Variants in CPED1 observed in about 807,000 individuals in gnomAD.
CPED1 encodes the protein cadherin-like and PC-esterase domain-containing protein 1.
In CPED1, 114 loss-of-function variants were observed where a neutral mutation model predicts 128.2. That is an observed-to-expected ratio of 0.89 (90% CI 0.76 to 1.04). The LOEUF is 1.04. Among genes scored for constraint, CPED1 ranks in the 50% least tolerant of loss-of-function variants. The probability of loss-of-function intolerance (pLI) is 0.00; values close to 1 mark genes in which losing one functional copy is unlikely to be tolerated. For missense variants in CPED1, 1,211 were observed against 1,207.1 expected (o/e 1.00, Z -0.05); for synonymous variants, 462 against 426.7 (o/e 1.08, Z -1.02).
chr7:121,024,478 A>G (rs1455783213), intron 3 of CPED1, among the ~76,000 whole-genome samples: 1 of 152,160 alleles, frequency 6.6e-6, no homozygotes, highest in Non-Finnish European at 1.5e-5. Flanking sequence ...CTTCAAGCCT[A>G]GCTTCCTTCT....
intron 4 of CPED1, among the ~76,000 whole-genome samples, chr7:121,058,908 T>C (rs1239088308): frequency 6.6e-6 from 1 of 152,238 alleles, no homozygotes; most frequent in Non-Finnish European, 1.5e-5. Flanking sequence ...GAGAGGACAC[T>C]GGCTCAAATT....
At chr7:121,088,794 T>TAAAAAAAAAAAAAAAAAAAA (rs1794508617) in intron 5 of CPED1, among the ~76,000 whole-genome samples, 5 of 54,760 alleles carry the variant, frequency 9.1e-5, no homozygotes, top group Non-Finnish European at 1.1e-4. Context: ...AAAAAAAAAT[T>TAAAAAAAAAAAAAAAAAAAA]GAAAGTGTAA....
At chr7:121,235,627 C>T (rs77966974) in intron 16 of CPED1, among the ~76,000 whole-genome samples, 2,598 of 152,192 alleles carry the variant, frequency 0.017, 78 homozygotes, top group African/African-American at 0.058. Context: ...ACTTTTTATG[C>T]ATTCAATAAA....
intron 12 of CPED1, among the ~76,000 whole-genome samples, chr7:121,132,833 T>C (rs1222727597): frequency 6.6e-6 from 1 of 152,098 alleles, no homozygotes; most frequent in Non-Finnish European, 1.5e-5. Flanking sequence ...GTTGTGTCTT[T>C]TGTAAAAGTC....
intron 3 of CPED1, among the ~76,000 whole-genome samples, chr7:121,031,934 A>G (rs1330002226): frequency 7.9e-5 from 12 of 152,306 alleles, no homozygotes; most frequent in Non-Finnish European, 1.5e-4. Flanking sequence ...AATTTAAAAT[A>G]TAGTGTATTA....
At chr7:121,165,042 T>G (rs982961639) in intron 16 of CPED1, among the ~76,000 whole-genome samples, 1 of 152,168 alleles carries the variant, frequency 6.6e-6, no homozygotes, top group Non-Finnish European at 1.5e-5. Context: ...ATTTTAAAAT[T>G]CATTGTTTTC....
intron 22 of CPED1, among the ~76,000 whole-genome samples, chr7:121,291,267 G>A (rs935208470): frequency 1.3e-5 from 2 of 152,134 alleles, no homozygotes; most frequent in Non-Finnish European, 2.9e-5. Flanking sequence ...TTTTGCTTAG[G>A]ATTGTCTTGG....
chr7:121,052,610 C>T (rs1349714133), intron 4 of CPED1, among the ~76,000 whole-genome samples: 1 of 152,150 alleles, frequency 6.6e-6, no homozygotes, highest in African/African-American at 2.4e-5. Flanking sequence ...CAGAGCAGAT[C>T]AGCCAGTGAT....
At chr7:121,047,305 A>AT (rs1276812017) in intron 4 of CPED1, among the ~76,000 whole-genome samples, 2 of 152,156 alleles carry the variant, frequency 1.3e-5, no homozygotes, top group Non-Finnish European at 2.9e-5. Flanking sequence ...TAAAGTCTTT[A>AT]TTTTTTAGAT....
chr7:121,185,798 A>G (rs932376329), intron 16 of CPED1, among the ~76,000 whole-genome samples: 8 of 152,188 alleles, frequency 5.3e-5, no homozygotes, highest in African/African-American at 1.9e-4. Flanking sequence ...TTCCTGATGG[A>G]TTTTTAGATG....
intron 2 of CPED1, among the ~76,000 whole-genome samples, chr7:120,994,657 G>GTGTGTGTGTGTGTGTGT (rs148572524): frequency 1.9e-3 from 278 of 149,264 alleles, no homozygotes; most frequent in African/African-American, 6.5e-3. Flanking sequence ...GTGTGTGTGT[G>GTGTGTGTGTGTGTGTGT]TGTTGTTGTT....
At chr7:121,161,672 T>C (rs1796414981) in intron 16 of CPED1, among the ~76,000 whole-genome samples, 2 of 152,194 alleles carry the variant, frequency 1.3e-5, no homozygotes, top group African/African-American at 4.8e-5. Flanking sequence ...CTTCTCTGCC[T>C]ACCATAAAGA....
intron 7 of CPED1, among the ~76,000 whole-genome samples, chr7:121,115,226 A>T (rs1795207689): frequency 6.6e-6 from 1 of 152,208 alleles, no homozygotes; most frequent in Admixed American, 6.5e-5. Flanking sequence ...CTAAATCATG[A>T]ACTTTTAAAT....
chr7:121,183,546 C>G (rs1033887727), intron 16 of CPED1, among the ~76,000 whole-genome samples: 1 of 152,046 alleles, frequency 6.6e-6, no homozygotes, highest in Admixed American at 6.6e-5. Flanking sequence ...TTTCCATGTT[C>G]TCTCACAGAT....
At chr7:121,124,210 G>C in intron 7 of CPED1, 121 bp from the exon 8 acceptor site, 1 of 708,218 alleles carries the variant, frequency 1.4e-6, no homozygotes, top group Non-Finnish European at 2.2e-6. Flanking sequence ...TTAGGTGAGG[G>C]TGGGGTTTGG....
rs756557956 is a variant in CPED1, at chr7:121,125,802, CT to C, written c.1062-16del. On this transcript the variant is annotated splice_polypyrimidine_tract_variant and intron_variant, in intron 8 of 22. Transcript: ENST00000310396. Reference sequence around the variant, plus strand: ...GCATGTATCTTTACTTTTATGGTACCTTGTGTTTTCATTTTAGATGCAGATT... The same window carrying C: ...GCATGTATCTTTACTTTTATGGTACCTGTGTTTTCATTTTAGATGCAGATT... 12 of 1,588,384 alleles carry C rather than the reference CT, an allele frequency of 7.6e-6. No homozygotes were observed. Among genetic ancestry groups the C allele is most frequent in the Non-Finnish European group, 1.0e-5 (12 of 1,157,688 alleles).
At chr7:121,153,052 G>A (rs534142197) in intron 16 of CPED1, among the ~76,000 whole-genome samples, 1 of 152,126 alleles carries the variant, frequency 6.6e-6, no homozygotes, top group Non-Finnish European at 1.5e-5. Flanking sequence ...TACTAAAACC[G>A]GAAACATCTT....
chr7:121,189,394 A>G (rs1797076093), intron 16 of CPED1, among the ~76,000 whole-genome samples: 1 of 152,120 alleles, frequency 6.6e-6, no homozygotes, highest in South Asian at 2.1e-4. Context: ...GAAAGCAAGC[A>G]CATCTTCACA....
intron 5 of CPED1, among the ~76,000 whole-genome samples, chr7:121,089,145 T>C (rs919466196): frequency 4.6e-5 from 7 of 152,074 alleles, no homozygotes; most frequent in African/African-American, 1.7e-4. Context: ...GGCAAAATGG[T>C]TTAGTAATCC....
Sources: allele counts gnomAD v4.1 joint callset (sites outside exome capture counted in the v4.1 genomes callset), GRCh38; gene constraint gnomAD v4.1.1; transcripts MANE v1.5; gene names NCBI Gene and HGNC (gene_info 2026-07-23, HGNC 2026-07-21).